Variants in ZDHHC18 observed in about 807,000 individuals in gnomAD.
The protein encoded by ZDHHC18 is zDHHC palmitoyltransferase 18.
Under a neutral mutation model 37.5 loss-of-function variants are expected in ZDHHC18, and 23 were observed. The observed-to-expected ratio is 0.61, with a 90% CI of 0.44 to 0.87. The LOEUF (loss-of-function observed/expected upper bound fraction) is 0.87. Among genes scored for constraint, ZDHHC18 ranks in the 40% least tolerant of loss-of-function variants. ZDHHC18 has a pLI of 0.00. For missense variants in ZDHHC18, 406 were observed against 525.6 expected (o/e 0.77, Z 2.22); for synonymous variants, 185 against 218.7 (o/e 0.85, Z 1.36).
intron 3 of ZDHHC18, 128 bp downstream of exon 3, chr1:26,848,885 G>C: frequency 7.3e-7 from 1 of 1,366,430 alleles, no homozygotes; most frequent in Non-Finnish European, 9.9e-7. Context: ...CAGGGGGTCT[G>C]GTTCACCCAG....
intron 2 of ZDHHC18, among the ~76,000 whole-genome samples, chr1:26,836,839 A>AT (rs1207700297): frequency 6.8e-6 from 1 of 147,530 alleles, no homozygotes; most frequent in African/African-American, 2.5e-5. Flanking sequence ...AAGTGCTGGG[A>AT]TTACAGGCAT....
Position 26,826,701 on chromosome 1 carries a change from G to C in ZDHHC18, c.-104G>C. On this transcript the variant is annotated 5_prime_UTR_variant, in exon 1 of 8. Coordinates refer to ENST00000374142, the MANE Select transcript of ZDHHC18 (RefSeq NM_032283.3). This position sits in a 1 kb window ranked among gnomAD's most constrained non-coding sequence, Gnocchi z 5.2. Reference sequence around the variant, plus strand: ...CGGGGCCGCCCCAGTGAGTGAGCGAGCGAGCGCCGCGCGCGCCGCCGCTGC... The same window carrying C: ...CGGGGCCGCCCCAGTGAGTGAGCGACCGAGCGCCGCGCGCGCCGCCGCTGC... 1 of 450,278 alleles carries C rather than the reference G, an allele frequency of 2.2e-6. No homozygotes were observed. The highest frequency in any genetic ancestry group is 1.6e-4 in the East Asian group (1 of 6,322). The allele number at this position is 450,278 out of a possible 1,614,324, so 27.9% of individuals were successfully genotyped here.
intron 2 of ZDHHC18, among the ~76,000 whole-genome samples, chr1:26,835,034 G>A (rs1473844301): frequency 1.3e-5 from 2 of 152,200 alleles, no homozygotes; most frequent in Non-Finnish European, 2.9e-5. Flanking sequence ...TCCTGGAGAA[G>A]TGATGCTTGA....
At chr1:26,853,111 CTCCCCGGGGG>C in intron 7 of ZDHHC18, 2 of 413,534 alleles carry the variant, frequency 4.8e-6, no homozygotes, top group Non-Finnish European at 8.8e-6. Context: ...TGTAATTCTA[CTCCCCGGGGG>C]TAGCCACCAT....
chr1:26,853,427 A>G (rs954845196), intron 7 of ZDHHC18, among the ~76,000 whole-genome samples: 9 of 152,186 alleles, frequency 5.9e-5, no homozygotes, highest in African/African-American at 2.2e-4. Flanking sequence ...GTCATCAAAT[A>G]CCTATTCATC....
At chr1:26,841,100 C>T (rs1477337070) in intron 2 of ZDHHC18, among the ~76,000 whole-genome samples, 2 of 152,078 alleles carry the variant, frequency 1.3e-5, no homozygotes, top group African/African-American at 2.4e-5. Flanking sequence ...CCTCAGCCTC[C>T]CGAGTAGCTG....
chr1:26,833,628 G>C (rs976100002), intron 2 of ZDHHC18, among the ~76,000 whole-genome samples: 1 of 152,110 alleles, frequency 6.6e-6, no homozygotes, highest in South Asian at 2.1e-4. Context: ...TGTGGGTTCC[G>C]GGGTGGCGGG....
chr1:26,845,669 C>T (rs972631812), intron 2 of ZDHHC18, among the ~76,000 whole-genome samples: 3 of 151,758 alleles, frequency 2.0e-5, no homozygotes, highest in African/African-American at 7.3e-5. Flanking sequence ...CCAAAAAACT[C>T]TTCATTCTCT....
intron 1 of ZDHHC18, chr1:26,832,184 T>G: frequency 2.2e-6 from 1 of 456,214 alleles, no homozygotes; most frequent in Non-Finnish European, 4.0e-6. Flanking sequence ...ATGCAGAGGT[T>G]AGGAGTGCTG....
Position 26,849,460 on chromosome 1 carries a change from G to A in ZDHHC18, c.646+703G>A, listed in dbSNP as rs953720866. 3.3e-5 allele frequency among the ~76,000 whole-genome samples: 5 copies of A among 152,348 alleles called. No homozygotes were observed. The Middle Eastern group carries it at 0.01, about 311-fold the overall frequency. ...TGCCAGCTCAGTACTCCCTAAGCAA[G>A]AGAACAGCAGGGAACACCCCCCCGT... is the stretch of plus-strand genomic sequence containing the variant. On this transcript the variant is annotated intron_variant, in intron 3 of 7. Coordinates refer to ENST00000374142, the MANE Select transcript of ZDHHC18 (RefSeq NM_032283.3).
Position 26,855,935 on chromosome 1 carries a change from A to G in ZDHHC18, c.*2092A>G. The G allele has an allele frequency of 3.8e-6, 1 of 264,458 alleles. No individual in the cohort carries two copies. The highest frequency in any genetic ancestry group is 4.2e-5 in the Admixed American group (1 of 23,932). The allele number at this position is 264,458 out of a possible 1,614,324, so 16.4% of individuals were successfully genotyped here. On this transcript the variant is annotated 3_prime_UTR_variant, in exon 8 of 8. Transcript: ENST00000374142. ...CGGCTGAGCCCCCATGGGCACGTGA[A>G]AAGAGGCCATCCTGTCCCCTCTTTG...
chr1:26,845,439 T>C (rs2081659150), intron 2 of ZDHHC18, among the ~76,000 whole-genome samples: 1 of 149,152 alleles, frequency 6.7e-6, no homozygotes, highest in Admixed American at 6.8e-5. Context: ...TTCAAGTGAT[T>C]TTCATGCCTC....
At chr1:26,844,981 C>T (rs1388721414) in intron 2 of ZDHHC18, among the ~76,000 whole-genome samples, 8 of 149,108 alleles carry the variant, frequency 5.4e-5, no homozygotes, top group South Asian at 2.1e-4. Context: ...AATGCAGTGG[C>T]GCAATCTCGG....
At chr1:26,843,053 A>G (rs568086596) in intron 2 of ZDHHC18, among the ~76,000 whole-genome samples, 1 of 152,148 alleles carries the variant, frequency 6.6e-6, no homozygotes, top group Non-Finnish European at 1.5e-5. Context: ...TGCATATGAC[A>G]CACCTAGGTT....
intron 7 of ZDHHC18, 108 bp downstream of exon 7, chr1:26,852,973 C>G (rs1456087093): frequency 4.6e-6 from 4 of 871,610 alleles, no homozygotes; most frequent in Non-Finnish European, 7.1e-6. Flanking sequence ...TGCCCTCCGT[C>G]CACTACCCCC....
rs879732601 is a variant in ZDHHC18, at chr1:26,857,556, CT to C, written c.*3725del. On this transcript the variant is annotated 3_prime_UTR_variant, in exon 8 of 8. Transcript: ENST00000374142. Reference sequence around the variant, plus strand: ...GGGCTGCTTGTCTGCTATCCTGTACCTTTTTTTTTTTTAACCAAAATAAAGA... The same window carrying C: ...GGGCTGCTTGTCTGCTATCCTGTACCTTTTTTTTTTTAACCAAAATAAAGA... 504 of 144,662 alleles carry C rather than the reference CT, an allele frequency of 3.5e-3. No homozygotes were observed. Among genetic ancestry groups the C allele is most frequent in the African/African-American group, 3.1e-3 (122 of 39,776 alleles). 9.0% of individuals were successfully genotyped at this position (144,662 alleles called of 1,614,324 possible).
intron 2 of ZDHHC18, among the ~76,000 whole-genome samples, 180 bp from the exon 3 acceptor site, chr1:26,848,428 G>C (rs2081683945): frequency 6.6e-6 from 1 of 152,174 alleles, no homozygotes; most frequent in East Asian, 1.9e-4. Context: ...GTACATGGTG[G>C]CAGTTCCTAA....
intron 2 of ZDHHC18, among the ~76,000 whole-genome samples, chr1:26,845,920 C>G (rs1422043528): frequency 6.6e-6 from 1 of 151,880 alleles, no homozygotes; most frequent in Non-Finnish European, 1.5e-5. Flanking sequence ...AGCAACCATG[C>G]CCAGCCACCT....
In ZDHHC18 at chr1:26,853,936, G is replaced by C; in HGVS notation, c.*93G>C. 1 of 1,102,448 alleles carries C rather than the reference G, an allele frequency of 9.1e-7. No homozygotes were observed. Among genetic ancestry groups the C allele is most frequent in the Non-Finnish European group, 1.4e-6 (1 of 739,946 alleles). The allele number at this position is 1,102,448 out of a possible 1,614,324, so 68.3% of individuals were successfully genotyped here. On this transcript the variant is annotated 3_prime_UTR_variant, in exon 8 of 8. Coordinates refer to ENST00000374142, the MANE Select transcript of ZDHHC18 (RefSeq NM_032283.3). Reference sequence around the variant, plus strand: ...TATTCCATCCAAGGGAAGCAGAACTGCCAAAGACTCAAGTCTTTTCATATT... The same window carrying C: ...TATTCCATCCAAGGGAAGCAGAACTCCCAAAGACTCAAGTCTTTTCATATT...
Sources: allele counts gnomAD v4.1 joint callset (sites outside exome capture counted in the v4.1 genomes callset), GRCh38; gene constraint gnomAD v4.1.1; non-coding constraint Gnocchi (gnomAD v3.1); transcripts MANE v1.5; gene names NCBI Gene and HGNC (gene_info 2026-07-23, HGNC 2026-07-21).